Variants in AGK observed in about 807,000 individuals in gnomAD.
AGK encodes acylglycerol kinase, also known as acylglycerol kinase, mitochondrial.
AGK carries 52 observed loss-of-function variants against 66.4 expected under a neutral mutation model. That is an observed-to-expected ratio of 0.78 (90% confidence interval 0.63 to 0.99). The LOEUF (loss-of-function observed/expected upper bound fraction) is 0.99, where lower values mean the gene tolerates loss of function less well. Among genes scored for constraint, AGK ranks in the 50% least tolerant of loss-of-function variants. The pLI, the probability that AGK is intolerant of heterozygous loss-of-function variation, is 0.00. For synonymous variants in AGK, 182 were observed against 181.1 expected (o/e 1.00, Z -0.04); for missense variants, 451 against 506.6 (o/e 0.89, Z 1.05).
intron 13 of AGK, among the ~76,000 whole-genome samples, chr7:141,647,729 C>T (rs768586901): frequency 2.6e-5 from 4 of 152,160 alleles, no homozygotes; most frequent in Admixed American, 6.5e-5. Context: ...GGAGTGCAAT[C>T]GTGCGATATT....
At chr7:141,590,607 G>T (rs571721363) in intron 2 of AGK, among the ~76,000 whole-genome samples, 1 of 152,098 alleles carries the variant, frequency 6.6e-6, no homozygotes, top group East Asian at 1.9e-4. Flanking sequence ...GTTACTGTGG[G>T]TTCAGTGTTT....
chr7:141,628,519 C>A (rs1796988230), intron 9 of AGK, among the ~76,000 whole-genome samples: 1 of 152,120 alleles, frequency 6.6e-6, no homozygotes, highest in Admixed American at 6.5e-5. Context: ...AAAGAACAAT[C>A]CAACCCTATT....
intron 2 of AGK, among the ~76,000 whole-genome samples, chr7:141,556,086 G>A (rs1027655689): frequency 7.2e-5 from 11 of 152,276 alleles, no homozygotes; most frequent in Admixed American, 7.2e-4. Flanking sequence ...CTGGAAAGGT[G>A]GGACAACTTG....
rs533207291 is a variant in AGK, at chr7:141,569,961, G to T, written c.101+14394G>T. ...CCAGTGGAGTCTGGGTTTAAGTCTT[G>T]CCTTTGCCACTTTCTGGATGTGTGA... On this transcript the variant is annotated intron_variant, in intron 2 of 15. Transcript: ENST00000649286. 2.8e-4 allele frequency among the ~76,000 whole-genome samples: 42 copies of T among 152,298 alleles called. No homozygotes were observed. In the East Asian group the frequency reaches 4.4e-3, roughly 16 times the overall value.
chr7:141,611,016 T>C (rs1796574253), intron 5 of AGK, among the ~76,000 whole-genome samples, 179 bp from the exon 6 acceptor site: 2 of 152,236 alleles, frequency 1.3e-5, no homozygotes, highest in South Asian at 4.1e-4. Context: ...TCTAAAAGTG[T>C]AAAACTGTAA....
chr7:141,644,717 C>T (rs147933394), intron 13 of AGK, among the ~76,000 whole-genome samples: 1 of 152,032 alleles, frequency 6.6e-6, no homozygotes, highest in Non-Finnish European at 1.5e-5. Context: ...CAACATAGTT[C>T]CATTTTTCTT....
chr7:141,623,304 G>A (rs1369083984), intron 9 of AGK, among the ~76,000 whole-genome samples: 4 of 151,606 alleles, frequency 2.6e-5, no homozygotes, highest in African/African-American at 4.9e-5. Context: ...ACTTGAACCC[G>A]GGAGGCAGAG....
At position 141,651,627 on chromosome 7, in the gene AGK, C is replaced by G; in HGVS notation, c.1131+18C>G. 6.2e-7 allele frequency: 1 copy of G among 1,610,638 alleles called. No individual in the cohort carries two copies. Among genetic ancestry groups the G allele is most frequent in the African/African-American group, 1.3e-5 (1 of 74,972 alleles). ...TCCCGGAGGTGAGTGGGGAAGGGGT[C>G]GGTAGTCACAGCATTTGATTCGTTC... On this transcript the variant is annotated intron_variant, in intron 15 of 15. Transcript: ENST00000649286.
At chr7:141,565,954 T>G (rs1351210540) in intron 2 of AGK, among the ~76,000 whole-genome samples, 3 of 152,238 alleles carry the variant, frequency 2.0e-5, no homozygotes, top group African/African-American at 7.2e-5. Flanking sequence ...CACAATATTC[T>G]TACCAGCTCT....
intron 2 of AGK, among the ~76,000 whole-genome samples, chr7:141,561,287 GT>G (rs1484974221): frequency 6.6e-6 from 1 of 152,176 alleles, no homozygotes; most frequent in African/African-American, 2.4e-5. Flanking sequence ...TAGATACCCA[GT>G]AGTGGGATTG....
chr7:141,643,133 T>A (rs1797326086), intron 13 of AGK, among the ~76,000 whole-genome samples: 1 of 152,126 alleles, frequency 6.6e-6, no homozygotes, highest in Non-Finnish European at 1.5e-5. Context: ...ATGTTCAGAG[T>A]ATTGAGATGT....
rs114325072 is a variant in AGK at position 141,584,030 on chromosome 7, A to T, written c.102-9116A>T. On this transcript the variant is annotated intron_variant, in intron 2 of 15. Transcript: ENST00000649286. ...CAAGGGAGGTCCCTTGATCTGAGTCATGGCACCAAATTTCACTCGTGTCCA... is the reference window on the plus strand; with the variant it reads ...CAAGGGAGGTCCCTTGATCTGAGTCTTGGCACCAAATTTCACTCGTGTCCA... Among the ~76,000 whole-genome samples, 409 of 151,602 alleles carry T rather than the reference A, an allele frequency of 2.7e-3. 7 individuals are homozygous for T. Among genetic ancestry groups the T allele is most frequent in the African/African-American group, 9.6e-3 (394 of 40,928 alleles).
chr7:141,604,378 A>G (rs989065524), intron 5 of AGK, among the ~76,000 whole-genome samples: 2,368 of 129,068 alleles, frequency 0.018, 21 homozygotes, highest in African/African-American at 0.023. Context: ...GTGTGTGTAT[A>G]TATATATATA....
chr7:141,652,855 C>A lies in AGK; in HGVS notation c.1200C>A (p.Leu400=). ...CGATGCCTGTGGAGGTGAAACTGCT[C>A]CCCAGGAAGCTGCAGTTCTTCTGTG... The part of the protein sequence containing the change: ...YEAMPVEVKL[L]PRKLQFFCDP... Residue 400 remains leucine, a synonymous_variant, in exon 16 of 16, where the codon CTC becomes CTA. Coordinates refer to ENST00000649286, the MANE Select transcript of AGK (RefSeq NM_018238.4). 2 of 1,613,882 alleles carry A rather than the reference C, an allele frequency of 1.2e-6. No individual in the cohort carries two copies. Among genetic ancestry groups the A allele is most frequent in the Non-Finnish European group, 1.7e-6 (2 of 1,179,942 alleles).
chr7:141,591,820 C>G (rs945831342), intron 2 of AGK, among the ~76,000 whole-genome samples: 1 of 152,184 alleles, frequency 6.6e-6, no homozygotes, highest in African/African-American at 2.4e-5. Context: ...TTAGCACAAG[C>G]TCTTAGATGA....
chr7:141,589,602 C>T (rs980475904), intron 2 of AGK, among the ~76,000 whole-genome samples: 1 of 151,800 alleles, frequency 6.6e-6, no homozygotes, highest in Non-Finnish European at 1.5e-5. Context: ...CTCTTGTTGC[C>T]CAGGCTGGAG....
intron 2 of AGK, among the ~76,000 whole-genome samples, chr7:141,585,585 T>C (rs935933335): frequency 6.6e-6 from 1 of 152,246 alleles, no homozygotes; most frequent in African/African-American, 2.4e-5. Context: ...AATTTGCCTC[T>C]AGACTGTAGT....
chr7:141,562,139 G>A (rs1262638489), intron 2 of AGK: 1 of 455,120 alleles, frequency 2.2e-6, no homozygotes, highest in South Asian at 1.6e-5. Context: ...CTTGAATGCT[G>A]GTTATGCAAG....
rs1444408094 is a variant in AGK, at chr7:141,578,906, G to A, written c.102-14240G>A. Among the ~76,000 whole-genome samples the A allele has an allele frequency of 3.3e-5, 5 of 152,198 alleles. 1 individual carries two copies. The highest frequency in any genetic ancestry group is 3.3e-4 in the Admixed American group (5 of 15,306). The stretch of plus-strand genomic sequence containing the variant: ...GATTATTTATGTACTTTAAGAGGGA[G>A]TTAAGAGTGGCAGTTTGGGGATAGC... On this transcript the variant is annotated intron_variant, in intron 2 of 15. Coordinates refer to ENST00000649286, the MANE Select transcript of AGK (RefSeq NM_018238.4).
Sources: allele counts gnomAD v4.1 joint callset (sites outside exome capture counted in the v4.1 genomes callset), GRCh38; gene constraint gnomAD v4.1.1; transcripts MANE v1.5; gene names NCBI Gene and HGNC (gene_info 2026-07-23, HGNC 2026-07-21).